SLC35F3: variants seen among roughly 807,000 people sequenced by gnomAD.
SLC35F3 encodes putative thiamine transporter SLC35F3.
In SLC35F3, 25 loss-of-function variants were observed where a neutral mutation model predicts 49.9. That is an observed-to-expected ratio of 0.50 (90% CI 0.37 to 0.70). SLC35F3 has a LOEUF of 0.70. SLC35F3 is among the 30% of genes least tolerant of loss of function. The probability of loss-of-function intolerance (pLI) is 0.00; values close to 1 mark genes in which losing one functional copy is unlikely to be tolerated. For missense variants in SLC35F3, 525 were observed against 639.8 expected, an observed-to-expected ratio of 0.82 and a Z score of 1.94; for synonymous variants, 275 against 265.4, an observed-to-expected ratio of 1.04 and a Z score of -0.35.
At chr1:234,108,542 ATATT>A (rs1302602121) in intron 2 of SLC35F3, among the ~76,000 whole-genome samples, 1 of 89,394 alleles carries the variant, frequency 1.1e-5, no homozygotes, top group African/African-American at 3.7e-5. Context: ...TAAAAGATAT[ATATT>A]ATTTATATAT....
At chr1:234,271,720 A>C (rs1668109704) in intron 3 of SLC35F3, among the ~76,000 whole-genome samples, 1 of 152,238 alleles carries the variant, frequency 6.6e-6, no homozygotes, top group Non-Finnish European at 1.5e-5. Context: ...CACAAAGAAA[A>C]ACTAAAATAT....
intron 2 of SLC35F3, among the ~76,000 whole-genome samples, chr1:234,004,594 A>C (rs576468405): frequency 6.6e-6 from 1 of 152,274 alleles, no homozygotes. Context: ...ATTGAGTCAA[A>C]TTAAAAACTA....
intron 2 of SLC35F3, among the ~76,000 whole-genome samples, chr1:233,935,404 T>A (rs1394486666): frequency 6.6e-6 from 1 of 152,058 alleles, no homozygotes; most frequent in African/African-American, 2.4e-5. Flanking sequence ...CTCTTCTAAC[T>A]TTCCTCCAGC....
chr1:234,032,733 T>C (rs1039163704), intron 2 of SLC35F3, among the ~76,000 whole-genome samples: 1 of 152,240 alleles, frequency 6.6e-6, no homozygotes, highest in Non-Finnish European at 1.5e-5. Flanking sequence ...GAATATTCCA[T>C]GGTATAAGTA....
At chr1:234,220,975 A>C (rs946030989) in intron 2 of SLC35F3, among the ~76,000 whole-genome samples, 1 of 152,194 alleles carries the variant, frequency 6.6e-6, no homozygotes, top group African/African-American at 2.4e-5. Flanking sequence ...TAAATGGGCA[A>C]GCACAGAATC....
chr1:234,322,682 T>TGTGTGTGC (rs1189546893), intron 7 of SLC35F3, among the ~76,000 whole-genome samples: 19 of 150,534 alleles, frequency 1.3e-4, no homozygotes, highest in Non-Finnish European at 2.6e-4. Context: ...TGTGTGTGTG[T>TGTGTGTGC]GTGTACTATC....
At chr1:234,145,622 T>C (rs531609789) in intron 2 of SLC35F3, among the ~76,000 whole-genome samples, 3 of 152,304 alleles carry the variant, frequency 2.0e-5, no homozygotes, top group African/African-American at 7.2e-5. Context: ...AGACTTTTTT[T>C]TCTTGTCATT....
At chr1:234,248,058 T>A (rs1261503687) in intron 3 of SLC35F3, among the ~76,000 whole-genome samples, 2 of 150,748 alleles carry the variant, frequency 1.3e-5, no homozygotes, top group African/African-American at 4.9e-5. Flanking sequence ...ATGGCTGGTC[T>A]ATTGTTCAGT....
intron 2 of SLC35F3, among the ~76,000 whole-genome samples, chr1:234,126,782 A>G (rs1159728097): frequency 6.6e-6 from 1 of 152,098 alleles, no homozygotes; most frequent in Non-Finnish European, 1.5e-5. Flanking sequence ...TGCAGCCTTG[A>G]ACTCCTGGGC....
At chr1:234,159,879 A>G (rs1666201423) in intron 2 of SLC35F3, among the ~76,000 whole-genome samples, 2 of 152,224 alleles carry the variant, frequency 1.3e-5, no homozygotes, top group African/African-American at 4.8e-5. Flanking sequence ...GTATACCTTT[A>G]TCAGGCCCTT....
At chr1:234,264,272 C>A (rs1014621684) in intron 3 of SLC35F3, among the ~76,000 whole-genome samples, 7 of 152,260 alleles carry the variant, frequency 4.6e-5, no homozygotes, top group African/African-American at 1.4e-4. Context: ...GGTGTCTGTT[C>A]AAGGACCTCA....
chr1:234,007,070 C>T (rs1299850755), intron 2 of SLC35F3, among the ~76,000 whole-genome samples: 11 of 152,074 alleles, frequency 7.2e-5, no homozygotes, highest in Admixed American at 7.2e-4. Context: ...ACGGATGGAC[C>T]TGGTTGTGTT....
intron 3 of SLC35F3, among the ~76,000 whole-genome samples, chr1:234,289,511 G>C (rs964081142): frequency 6.6e-6 from 1 of 152,170 alleles, no homozygotes; most frequent in African/African-American, 2.4e-5. Context: ...CATCAAAGGA[G>C]ACTGGAGTAA....
At chr1:234,246,144 G>C (rs1162083644) in intron 3 of SLC35F3, among the ~76,000 whole-genome samples, 1 of 152,192 alleles carries the variant, frequency 6.6e-6, no homozygotes, top group Non-Finnish European at 1.5e-5. Context: ...CCTCTGTTAG[G>C]AAGATGTGTT....
intron 2 of SLC35F3, among the ~76,000 whole-genome samples, chr1:233,935,663 G>A (rs1034944995): frequency 6.6e-6 from 1 of 152,150 alleles, no homozygotes; most frequent in Admixed American, 6.5e-5. Flanking sequence ...ATGTTGCCTT[G>A]AGAGGCTCTT....
intron 2 of SLC35F3, among the ~76,000 whole-genome samples, chr1:234,136,399 C>G (rs1026332335): frequency 6.6e-6 from 1 of 150,568 alleles, no homozygotes; most frequent in Admixed American, 6.6e-5. Context: ...TTCCTAGAGA[C>G]AGGGTCTCAC....
intron 2 of SLC35F3, among the ~76,000 whole-genome samples, chr1:233,989,178 C>T (rs970345440): frequency 6.6e-6 from 1 of 152,168 alleles, no homozygotes; most frequent in African/African-American, 2.4e-5. Flanking sequence ...TGGGGCTGCA[C>T]GCATTCTCTT....
At chr1:234,163,889 T>A (rs1666270392) in intron 2 of SLC35F3, among the ~76,000 whole-genome samples, 1 of 152,156 alleles carries the variant, frequency 6.6e-6, no homozygotes, top group African/African-American at 2.4e-5. Context: ...CTTTGCTCAG[T>A]GCCGAGGAGT....
At chr1:234,009,710 A>G (rs1201117628) in intron 2 of SLC35F3, among the ~76,000 whole-genome samples, 1 of 152,202 alleles carries the variant, frequency 6.6e-6, no homozygotes. Flanking sequence ...TGTTAATTTC[A>G]TATTTGTCAG....
Sources: allele counts gnomAD v4.1 joint callset (sites outside exome capture counted in the v4.1 genomes callset), GRCh38; gene constraint gnomAD v4.1.1; transcripts MANE v1.5; gene names NCBI Gene and HGNC (gene_info 2026-07-23, HGNC 2026-07-21).